Variants in FERMT1 observed in about 807,000 individuals in gnomAD.
The protein encoded by FERMT1 is FERM domain containing kindlin 1, also known as fermitin family homolog 1.
In FERMT1, 60 loss-of-function variants were observed where a neutral mutation model predicts 85.3. The ratio of observed to expected loss-of-function variants is 0.70; its 90% CI spans 0.57 to 0.87. The LOEUF is 0.87. Ranked by LOEUF, FERMT1 falls within the 40% of genes least tolerant of loss-of-function variation. FERMT1 has a pLI of 0.00. For synonymous variants in FERMT1, 275 were observed against 301.1 expected (o/e 0.91, Z 0.90); for missense variants, 701 against 818.9 (o/e 0.86, Z 1.76).
intron 14 of FERMT1, among the ~76,000 whole-genome samples, chr20:6,078,131 T>C (rs1386613406): frequency 6.6e-6 from 1 of 152,234 alleles, no homozygotes; most frequent in Non-Finnish European, 1.5e-5. Context: ...TTGAAATCAC[T>C]TGTGGACCTT....
intron 13 of FERMT1, 79 bp downstream of exon 13, chr20:6,083,961 A>T: frequency 6.5e-7 from 1 of 1,530,308 alleles, no homozygotes; most frequent in Non-Finnish European, 9.0e-7. Context: ...ATTCTATGCT[A>T]AATGAGAAAA....
intron 9 of FERMT1, among the ~76,000 whole-genome samples, chr20:6,093,428 C>G (rs1982418652): frequency 6.6e-6 from 1 of 152,194 alleles, no homozygotes; most frequent in Admixed American, 6.5e-5. Flanking sequence ...GGATTCAACT[C>G]CAGCATCACT....
intron 13 of FERMT1, among the ~76,000 whole-genome samples, chr20:6,082,813 G>A (rs575116728): frequency 2.0e-5 from 3 of 151,928 alleles, no homozygotes; most frequent in Non-Finnish European, 2.9e-5. Context: ...ACACCACCAC[G>A]CCCAGCTAAT....
chr20:6,107,500 A>G (rs754481113), intron 6 of FERMT1, 32 bp downstream of exon 6: 88 of 1,341,490 alleles, frequency 6.6e-5, no homozygotes, highest in Non-Finnish European at 8.2e-5. Flanking sequence ...TCATATTAAA[A>G]AGAGAAAGAC....
chr20:6,089,194 A>G (rs1876349244), intron 9 of FERMT1, 105 bp from the exon 10 acceptor site: 1 of 1,179,124 alleles, frequency 8.5e-7, no homozygotes, highest in Non-Finnish European at 1.2e-6. Flanking sequence ...AAGAAAACAC[A>G]CTTTGTTTTT....
intron 2 of FERMT1, among the ~76,000 whole-genome samples, chr20:6,117,435 A>ATTT (rs200977686): frequency 2.8e-3 from 347 of 124,764 alleles, no homozygotes; most frequent in African/African-American, 0.01. Flanking sequence ...TGTCAGTCTA[A>ATTT]TTTTTTTTTT....
At chr20:6,081,148 G>C (rs1393339910) in intron 13 of FERMT1, among the ~76,000 whole-genome samples, 2 of 152,012 alleles carry the variant, frequency 1.3e-5, no homozygotes, top group African/African-American at 4.8e-5. Context: ...AGGTGTGGTG[G>C]CTCACAAGTC....
intron 6 of FERMT1, among the ~76,000 whole-genome samples, chr20:6,099,319 C>T (rs1441352034): frequency 4.0e-5 from 6 of 150,626 alleles, no homozygotes; most frequent in Admixed American, 6.6e-5. Context: ...GTGGGAGAAT[C>T]ACTTGAACCT....
At position 6,111,490 on chromosome 20, in the gene FERMT1, A is replaced by G. The variant is rs909581543; in HGVS notation, c.533-979T>C. Among the ~76,000 whole-genome samples, 7 of 151,980 alleles carry G rather than the reference A, an allele frequency of 4.6e-5. No individual in the cohort carries two copies. The East Asian group carries it at 5.8e-4, about 13-fold the overall frequency. On this transcript the variant is annotated intron_variant, in intron 4 of 14. Transcript: ENST00000217289. ...CTACTAAAAATACAAAAATTAGCCA[A>G]GTGTGATGGTGCACACCTGTAATTC... is the stretch of plus-strand genomic sequence containing the variant.
At position 6,104,431 on chromosome 20, in the gene FERMT1, CTA is replaced by C. The variant is rs1982745398; in HGVS notation, c.849+3099_849+3100del. Among the ~76,000 whole-genome samples, 1 of 152,196 alleles carries C rather than the reference CTA, an allele frequency of 6.6e-6. No homozygotes were observed. Among genetic ancestry groups the C allele is most frequent in the Non-Finnish European group, 1.5e-5 (1 of 68,036 alleles). On this transcript the variant is annotated intron_variant, in intron 6 of 14. Coordinates refer to ENST00000217289, the MANE Select transcript of FERMT1 (RefSeq NM_017671.5). The surrounding 1 kb of genome is among the most constrained non-coding windows in gnomAD (Gnocchi z 4.2). ...TTACATCTAAAATTTCTATATCCCTCTATTTATGCAGCACAGAGTAGGAGTCT... is the reference window on the plus strand; with the variant it reads ...TTACATCTAAAATTTCTATATCCCTCTTTATGCAGCACAGAGTAGGAGTCT...
intron 9 of FERMT1, among the ~76,000 whole-genome samples, chr20:6,091,604 C>T (rs767095916): frequency 5.3e-5 from 8 of 152,220 alleles, no homozygotes; most frequent in Non-Finnish European, 1.2e-4. Context: ...ATAATAAAGA[C>T]AGCACCTTTA....
intron 14 of FERMT1, among the ~76,000 whole-genome samples, 186 bp from the exon 15 acceptor site, chr20:6,077,532 C>T (rs1164315314): frequency 2.6e-5 from 4 of 152,130 alleles, no homozygotes; most frequent in Non-Finnish European, 5.9e-5. Flanking sequence ...GCTCTCTTTG[C>T]GCCCTCTGGT....
chr20:6,097,455 A>G (rs1771080842), intron 7 of FERMT1, 69 bp downstream of exon 7: 4 of 1,038,192 alleles, frequency 3.9e-6, no homozygotes, highest in African/African-American at 1.6e-5. Flanking sequence ...AGTATGAAGC[A>G]TATGAAACTT....
intron 7 of FERMT1, among the ~76,000 whole-genome samples, chr20:6,097,294 T>C (rs573744354): frequency 2.0e-5 from 3 of 152,336 alleles, no homozygotes; most frequent in African/African-American, 7.2e-5. Flanking sequence ...GCAAGACTAG[T>C]GTCTTACAGA....
At chr20:6,091,747 C>A (rs1982375604) in intron 9 of FERMT1, among the ~76,000 whole-genome samples, 1 of 152,126 alleles carries the variant, frequency 6.6e-6, no homozygotes, top group Non-Finnish European at 1.5e-5. Context: ...CAAGTTCCTC[C>A]TCCTATCTCC....
At chr20:6,115,697 C>T in intron 3 of FERMT1, 114 bp downstream of exon 3, 1 of 826,548 alleles carries the variant, frequency 1.2e-6, no homozygotes, top group South Asian at 1.4e-5. Context: ...CATGTGCTTC[C>T]TAATAGGTGA....
intron 1 of FERMT1, 71 bp from the exon 2 acceptor site, chr20:6,119,643 G>T: frequency 1.5e-6 from 2 of 1,341,754 alleles, no homozygotes; most frequent in Non-Finnish European, 2.1e-6. Context: ...GACTTGCAGA[G>T]CAAAATTTCT....
chr20:6,116,678 G>A lies in FERMT1; in HGVS notation c.152-634C>T, dbSNP rs377497592. 8.0e-5 allele frequency among the ~76,000 whole-genome samples: 12 copies of A among 149,608 alleles called. No homozygotes were observed. The South Asian group carries it at 2.1e-3, about 26-fold the overall frequency. ...CGGGAAGTGGAGATTGTAATGAGCC[G>A]AGGTCACACCATTATATTACAGCTT... On this transcript the variant is annotated intron_variant, in intron 2 of 14. Coordinates refer to ENST00000217289, the MANE Select transcript of FERMT1 (RefSeq NM_017671.5).
At chr20:6,116,150 C>T in intron 2 of FERMT1, 106 bp from the exon 3 acceptor site, 1 of 802,492 alleles carries the variant, frequency 1.2e-6, no homozygotes, top group Non-Finnish European at 2.1e-6. Flanking sequence ...AAACCAACAA[C>T]TGATCTCCAG....
Sources: allele counts gnomAD v4.1 joint callset (sites outside exome capture counted in the v4.1 genomes callset), GRCh38; gene constraint gnomAD v4.1.1; non-coding constraint Gnocchi (gnomAD v3.1); transcripts MANE v1.5; gene names NCBI Gene and HGNC (gene_info 2026-07-23, HGNC 2026-07-21).